Variants in TMEM272 observed in about 807,000 individuals in gnomAD.
TMEM272 encodes transmembrane protein 272.
In TMEM272, 8 loss-of-function variants were observed where a neutral mutation model predicts 3.7. The ratio of observed to expected loss-of-function variants is 2.17; its 90% CI spans 1.27 to 3.91. The LOEUF (loss-of-function observed/expected upper bound fraction) is 3.91, where lower values mean the gene tolerates loss of function less well. Ranked by LOEUF, TMEM272 falls within the 30% of genes most tolerant of loss-of-function variation. TMEM272 has a pLI of 0.00. For missense variants in TMEM272, 166 were observed against 91.5 expected (o/e 1.81, Z -3.32); for synonymous variants, 63 against 39.8 (o/e 1.58, Z -2.20).
At chr13:51,818,735 A>AT (rs980795632) in intron 4 of TMEM272, among the ~76,000 whole-genome samples, 1 of 152,182 alleles carries the variant, frequency 6.6e-6, no homozygotes, top group African/African-American at 2.4e-5. Flanking sequence ...GCATTCTCTG[A>AT]TTTTCCAAAA....
chr13:51,865,255 A>G, the TMEM272 span: 3 of 694,604 alleles, frequency 4.3e-6, no homozygotes, highest in Non-Finnish European at 7.0e-6. Context: ...CATTTTCTCA[A>G]ATTCAGTAGT....
In TMEM272 at chr13:51,817,090, G is replaced by A. The variant is rs1441576354; in HGVS notation, c.225C>T (p.Ser75=). Residue 75 remains serine, a synonymous_variant, in exon 5 of 5, where the codon TCC becomes TCT. Coordinates refer to ENST00000629372, the MANE Select transcript of TMEM272 (RefSeq NM_001351003.2). ...TLKVSLLLYD[S]TRMRRLLSKA... is the part of the protein sequence containing the mutation. ...TGGACAGCAGCCGCCTCATCCTGGT[G>A]GAGTCGTACAACAGGAGAGACACCT... is the stretch of plus-strand genomic sequence containing the variant. 5 of 702,700 alleles carry A rather than the reference G, an allele frequency of 7.1e-6. No individual in the cohort carries two copies. The highest frequency in any genetic ancestry group is 7.8e-6 in the Non-Finnish European group (3 of 384,866). 43.5% of individuals were successfully genotyped at this position (702,700 alleles called of 1,614,324 possible). A position where few individuals can be genotyped will look rare whatever the true frequency, so the allele number is the denominator to read the frequency against.
chr13:51,823,618 AC>A (rs1254878249), intron 3 of TMEM272, among the ~76,000 whole-genome samples: 2 of 152,268 alleles, frequency 1.3e-5, no homozygotes, highest in African/African-American at 2.4e-5. Context: ...TGGCTGTAGC[AC>A]AGTTAAGTTA....
intron 2 of TMEM272, among the ~76,000 whole-genome samples, chr13:51,837,012 G>A (rs890159279): frequency 1.3e-5 from 2 of 152,186 alleles, no homozygotes; most frequent in African/African-American, 4.8e-5. Flanking sequence ...CCCAGAGGAG[G>A]TGCTGAGGGG....
In TMEM272 at chr13:51,833,067, T is replaced by A. The variant is rs533274157; in HGVS notation, c.58+5406A>T. The stretch of plus-strand genomic sequence containing the variant: ...AGGTGATATTGGTACTGGGTGTTGA[T>A]GGATGGGTAGGATTTTTGACGGGCT... On this transcript the variant is annotated intron_variant, in intron 2 of 4. Coordinates refer to ENST00000629372, the MANE Select transcript of TMEM272 (RefSeq NM_001351003.2). Among the ~76,000 whole-genome samples the A allele has an allele frequency of 3.3e-5, 5 of 152,212 alleles. No homozygotes were observed. In the East Asian group the frequency reaches 9.7e-4, roughly 29 times the overall value.
intron 2 of TMEM272, among the ~76,000 whole-genome samples, chr13:51,830,771 C>T (rs566001571): frequency 6.6e-6 from 1 of 152,302 alleles, no homozygotes; most frequent in African/African-American, 2.4e-5. Flanking sequence ...GACTGTTCTA[C>T]ACCTTAACTC....
chr13:51,931,329 G>A, the TMEM272 span, among the ~76,000 whole-genome samples: 1 of 147,942 alleles, frequency 6.8e-6, no homozygotes, highest in Non-Finnish European at 1.5e-5. Context: ...ATGAGTTGAT[G>A]TCCTTTGCAG....
At position 51,827,434 on chromosome 13, in the gene TMEM272, C is replaced by G. The variant is rs190595561; in HGVS notation, c.59-809G>C. 2.6e-5 allele frequency among the ~76,000 whole-genome samples: 4 copies of G among 152,342 alleles called. No individual in the cohort carries two copies. In the East Asian group the frequency reaches 7.7e-4, roughly 29 times the overall value. ...AACTTTTGTGATTAGGCAATTACTT[C>G]CCTGCTTTGCTTCTTGGTTTCCTCA... On this transcript the variant is annotated intron_variant, in intron 2 of 4. Transcript: ENST00000629372.
chr13:51,910,445 CAAAAA>C, the TMEM272 span: 1 of 900,716 alleles, frequency 1.1e-6, no homozygotes. Flanking sequence ...AACTTCTCCA[CAAAAA>C]AAAGGGAACA....
chr13:51,911,366 C>G, the TMEM272 span, among the ~76,000 whole-genome samples: 1 of 152,238 alleles, frequency 6.6e-6, no homozygotes, highest in South Asian at 2.1e-4. Context: ...AAACACTAGT[C>G]TCATCCCCAG....
At chr13:51,930,684 T>C in the TMEM272 span, 1 of 151,528 alleles carries the variant, frequency 6.6e-6, no homozygotes, top group Admixed American at 6.6e-5. Flanking sequence ...CAAATAAAAA[T>C]TGTCTAACTC....
rs565283372 is a variant in TMEM272, at chr13:51,828,639, C to T, written c.59-2014G>A. Among the ~76,000 whole-genome samples, 8 of 152,332 alleles carry T rather than the reference C, an allele frequency of 5.3e-5. No individual in the cohort carries two copies. The East Asian group carries it at 1.2e-3, about 22-fold the overall frequency. ...TAACGGCCCCAAGCATCTGGTTTGA[C>T]GCTCTTCTGTTGCCATCTTGAAATT... is the stretch of plus-strand genomic sequence containing the variant. On this transcript the variant is annotated intron_variant, in intron 2 of 4. Transcript: ENST00000629372.
chr13:51,828,002 C>T (rs1397862786), intron 2 of TMEM272, among the ~76,000 whole-genome samples: 1 of 152,202 alleles, frequency 6.6e-6, no homozygotes, highest in African/African-American at 2.4e-5. Context: ...CTGGGGGTGG[C>T]TGGCAGCCTT....
At chr13:51,868,486 T>C in the TMEM272 span, among the ~76,000 whole-genome samples, 1 of 152,264 alleles carries the variant, frequency 6.6e-6, no homozygotes, top group Non-Finnish European at 1.5e-5. Flanking sequence ...ACCTTCAGCA[T>C]TGTTTCACAG....
At chr13:51,920,237 T>C in the TMEM272 span, among the ~76,000 whole-genome samples, 39 of 152,314 alleles carry the variant, frequency 2.6e-4, no homozygotes, top group African/African-American at 9.1e-4. Flanking sequence ...CAGCTAGTTA[T>C]AGAATATTTG....
the TMEM272 span, among the ~76,000 whole-genome samples, chr13:51,910,923 G>A: frequency 9.2e-5 from 14 of 152,314 alleles, no homozygotes; most frequent in African/African-American, 3.4e-4. Flanking sequence ...TCCCAGCTAT[G>A]CCCATCCCCA....
At chr13:51,904,511 T>C in the TMEM272 span, among the ~76,000 whole-genome samples, 2 of 152,184 alleles carry the variant, frequency 1.3e-5, no homozygotes, top group Admixed American at 6.5e-5. Context: ...TAATTTTCTC[T>C]GGGCTTGAAT....
the TMEM272 span, among the ~76,000 whole-genome samples, chr13:51,881,588 G>C: frequency 6.6e-6 from 1 of 152,156 alleles, no homozygotes; most frequent in Non-Finnish European, 1.5e-5. Flanking sequence ...CTCATAGGTT[G>C]AAATCCTAAT....
At chr13:51,869,261 T>A in the TMEM272 span, among the ~76,000 whole-genome samples, 1 of 152,198 alleles carries the variant, frequency 6.6e-6, no homozygotes, top group African/African-American at 2.4e-5. Flanking sequence ...GCTCTCTCCA[T>A]CCTCACATTA....
Sources: gnomAD v4.1 joint callset for allele counts (sites outside exome capture counted in the v4.1 genomes callset) on GRCh38, gnomAD v4.1.1 for gene constraint, MANE v1.5 for transcripts, NCBI Gene and HGNC (gene_info 2026-07-23, HGNC 2026-07-21) for gene names.